The following DNAH17 variants were observed in gnomAD, a reference collection of about 807,000 sequenced individuals.
DNAH17 encodes the protein dynein axonemal heavy chain 17, also known as axonemal beta dynein heavy chain 17.
DNAH17 carries 376 observed loss-of-function variants against 485.6 expected under a neutral mutation model. The ratio of observed to expected loss-of-function variants is 0.77; its 90% CI spans 0.71 to 0.84. The LOEUF (loss-of-function observed/expected upper bound fraction) is 0.84, where lower values mean the gene tolerates loss of function less well. DNAH17 is among the 40% of genes least tolerant of loss of function. The probability of loss-of-function intolerance (pLI) is 0.00; values close to 1 mark genes in which losing one functional copy is unlikely to be tolerated. For synonymous variants in DNAH17, 3,031 were observed against 2,405.9 expected, an observed-to-expected ratio of 1.26 and a Z score of -7.60; for missense variants, 6,370 against 5,839.3, an observed-to-expected ratio of 1.09 and a Z score of -2.96.
chr17:78,450,221 A>T, intron 68 of DNAH17, 33 bp downstream of exon 68: 3 of 1,611,638 alleles, frequency 1.9e-6, no homozygotes, highest in Non-Finnish European at 1.7e-6. Flanking sequence ...CCCCACCTTG[A>T]GGGAGGCACC....
chr17:78,453,213 T>C, intron 65 of DNAH17, 130 bp downstream of exon 65: 1 of 1,300,734 alleles, frequency 7.7e-7, no homozygotes, highest in Admixed American at 2.5e-5. Flanking sequence ...CAGCAGGCAC[T>C]TTGTCAAAGC....
intron 17 of DNAH17, among the ~76,000 whole-genome samples, chr17:78,541,389 ATGGATGGATGGGTGGATGGT>A (rs1262719964): frequency 1.4e-5 from 2 of 147,054 alleles, no homozygotes; most frequent in African/African-American, 2.5e-5. Context: ...GGATGGATGG[ATGGATGGATGGGTGGATGGT>A]TGGATGGATG....
At chr17:78,497,733 C>T (rs1444168907) in intron 37 of DNAH17, among the ~76,000 whole-genome samples, 1 of 152,234 alleles carries the variant, frequency 6.6e-6, no homozygotes, top group Non-Finnish European at 1.5e-5. Flanking sequence ...ACCCCAGGCA[C>T]CTCTAATCCT....
chr17:78,554,732 A>G (rs992125037), intron 14 of DNAH17, among the ~76,000 whole-genome samples: 3 of 152,060 alleles, frequency 2.0e-5, no homozygotes, highest in Admixed American at 2.0e-4. Flanking sequence ...TTTCAGAATA[A>G]TTCTTTACAT....
chr17:78,551,241 G>A (rs568998621), intron 16 of DNAH17, among the ~76,000 whole-genome samples: 5 of 152,294 alleles, frequency 3.3e-5, no homozygotes, highest in South Asian at 2.1e-4. Flanking sequence ...GTTCCCAGTG[G>A]GGGTGAGTCT....
At chr17:78,525,227 G>C in intron 24 of DNAH17, 66 bp from the exon 25 acceptor site, 1 of 1,564,166 alleles carries the variant, frequency 6.4e-7, no homozygotes, top group African/African-American at 1.3e-5. Context: ...CCCACTCCCC[G>C]ACGTTCTGCC....
chr17:78,483,315 A>G (rs953119183), intron 48 of DNAH17, among the ~76,000 whole-genome samples: 2 of 152,166 alleles, frequency 1.3e-5, no homozygotes, highest in African/African-American at 4.8e-5. Flanking sequence ...CAAGTGATGG[A>G]GTCAGACATA....
intron 25 of DNAH17, among the ~76,000 whole-genome samples, chr17:78,523,780 G>A (rs2090993882): frequency 6.6e-6 from 1 of 152,242 alleles, no homozygotes; most frequent in African/African-American, 2.4e-5. Flanking sequence ...AGTGGCGCAA[G>A]CCTGTAGTCC....
At chr17:78,493,194 T>C (rs1480734286) in intron 41 of DNAH17, 1 of 168,544 alleles carries the variant, frequency 5.9e-6, no homozygotes, top group African/African-American at 2.4e-5. Flanking sequence ...CTTCTCTGGA[T>C]CACGTTTGCT....
At chr17:78,547,034 G>A (rs776062093) in intron 16 of DNAH17, among the ~76,000 whole-genome samples, 6 of 152,090 alleles carry the variant, frequency 3.9e-5, no homozygotes, top group Non-Finnish European at 7.3e-5. Flanking sequence ...TTATCACCAT[G>A]GATATGGTTT....
In DNAH17 at chr17:78,507,673, G is replaced by T. The variant is rs2090524893; in HGVS notation, c.4369C>A (p.Gln1457Lys). Residue 1457 changes from glutamine (Q) to lysine (K), a missense_variant, in exon 28 of 81, where the codon CAG becomes AAG. Transcript: ENST00000389840. ...AGGTACTTGGACATCATCAGGTTCTGCAGCTGCACCTGGTTGTCCTCCAGC... is the reference window on the plus strand; with the variant it reads ...AGGTACTTGGACATCATCAGGTTCTTCAGCTGCACCTGGTTGTCCTCCAGC... ...ETLEDNQVQL[Q>K]NLMMSKYLAH... The T allele has an allele frequency of 6.2e-7, 1 of 1,613,244 alleles. No individual in the cohort carries two copies. Among genetic ancestry groups the T allele is most frequent in the African/African-American group, 1.3e-5 (1 of 75,066 alleles).
At position 78,554,705 on chromosome 17, in the gene DNAH17, C is replaced by G. The variant is rs148327647; in HGVS notation, c.2179-1900G>C. ...GGAATCACAGAGTTAAAAATACACA[C>G]TAGATGCTGATTTGCCTTTCAGAAT... is the stretch of plus-strand genomic sequence containing the variant. On this transcript the variant is annotated intron_variant, in intron 14 of 80. Transcript: ENST00000389840. Among the ~76,000 whole-genome samples, 67 of 152,260 alleles carry G rather than the reference C, an allele frequency of 4.4e-4. 1 individual carries two copies. In the East Asian group the frequency reaches 0.013, roughly 28 times the overall value.
chr17:78,560,604 C>T (rs2092131846), intron 13 of DNAH17, 136 bp downstream of exon 13: 1 of 916,674 alleles, frequency 1.1e-6, no homozygotes, highest in Non-Finnish European at 1.6e-6. Flanking sequence ...ATACCCTGGA[C>T]ACACTTAAGA....
At chr17:78,500,205 G>A (rs2090226383) in intron 36 of DNAH17, 100 bp downstream of exon 36, 1 of 1,329,580 alleles carries the variant, frequency 7.5e-7, no homozygotes, top group South Asian at 1.5e-5. Context: ...CAGGTATCCA[G>A]AGATCTGGAG....
intron 11 of DNAH17, among the ~76,000 whole-genome samples, chr17:78,566,225 T>C (rs1236549342): frequency 6.6e-6 from 1 of 152,236 alleles, no homozygotes; most frequent in Non-Finnish European, 1.5e-5. Context: ...AGGCACTCTA[T>C]AAATTCAGCT....
chr17:78,539,395 G>A (rs2091462136), intron 18 of DNAH17, among the ~76,000 whole-genome samples: 1 of 152,160 alleles, frequency 6.6e-6, no homozygotes, highest in South Asian at 2.1e-4. Flanking sequence ...GTTGCTGACA[G>A]GAGACCCTCC....
intron 51 of DNAH17, chr17:78,478,740 TCACCATCAC>T (rs1024089063): frequency 2.8e-5 from 11 of 388,906 alleles, no homozygotes; most frequent in East Asian, 4.4e-5. Context: ...ACCACCATCA[TCACCATCAC>T]CACCATCACT....
In DNAH17 at chr17:78,501,290, C is replaced by T. The variant is rs778481204; in HGVS notation, c.5377G>A (p.Glu1793Lys). Residue 1793 changes from glutamate (E) to lysine (K), a missense_variant, in exon 35 of 81, where the codon GAA (glutamate) becomes AAA (lysine). Physicochemically the swap from Glu to Lys is moderately conservative, Grantham distance 56. Coordinates refer to ENST00000389840, the MANE Select transcript of DNAH17 (RefSeq NM_173628.4). ...WQAQLRHRWD[E>K]EKRHCFANIC... is the part of the protein sequence containing the mutation. The stretch of plus-strand genomic sequence containing the variant: ...TTGGCAAAGCAGTGTCGCTTCTCTT[C>T]GTCCCAGCGATGCCGGAGCTGGGCC... The T allele has an allele frequency of 6.2e-6, 10 of 1,607,236 alleles. No individual in the cohort carries two copies. The highest frequency in any genetic ancestry group is 1.7e-4 in the Middle Eastern group (1 of 6,042).
chr17:78,478,005 T>TCTC (rs2089132478), intron 51 of DNAH17, among the ~76,000 whole-genome samples: 1 of 90,118 alleles, frequency 1.1e-5, no homozygotes, highest in African/African-American at 8.1e-5. Context: ...ACCACCATCA[T>TCTC]CACCATCATC....
Sources: allele counts gnomAD v4.1 joint callset (sites outside exome capture counted in the v4.1 genomes callset), GRCh38; gene constraint gnomAD v4.1.1; transcripts MANE v1.5; gene names NCBI Gene and HGNC (gene_info 2026-07-23, HGNC 2026-07-21).